ADCY2: variants seen among roughly 807,000 people sequenced by gnomAD.
ADCY2 encodes adenylate cyclase type 2.
ADCY2 carries 31 observed loss-of-function variants against 125.2 expected under a neutral mutation model. The ratio of observed to expected loss-of-function variants is 0.25; its 90% CI spans 0.19 to 0.33. The LOEUF is 0.33. Ranked by LOEUF, ADCY2 falls within the 10% of genes least tolerant of loss-of-function variation. ADCY2 has a pLI of 1.00. For synonymous variants in ADCY2, 512 were observed against 548.4 expected (o/e 0.93, Z 0.93); for missense variants, 904 against 1,418.2 (o/e 0.64, Z 5.82).
intron 3 of ADCY2, among the ~76,000 whole-genome samples, chr5:7,610,180 A>G (rs531494969): frequency 6.6e-5 from 10 of 152,204 alleles, no homozygotes; most frequent in South Asian, 2.1e-4. Flanking sequence ...TGTTATTTCG[A>G]TGGTGTTGAA....
chr5:7,534,062 T>C (rs1734738906), intron 3 of ADCY2, among the ~76,000 whole-genome samples: 1 of 152,262 alleles, frequency 6.6e-6, no homozygotes, highest in Admixed American at 6.5e-5. Context: ...CTGAGTCTCC[T>C]GAATCCAGCA....
chr5:7,599,173 G>A (rs1021764477), intron 3 of ADCY2, among the ~76,000 whole-genome samples: 22 of 152,130 alleles, frequency 1.4e-4, no homozygotes, highest in Non-Finnish European at 2.8e-4. Flanking sequence ...GGGATAGCCC[G>A]GGGCAGATGG....
intron 2 of ADCY2, among the ~76,000 whole-genome samples, chr5:7,436,628 C>G (rs1864072): frequency 0.81 from 123,933 of 152,248 alleles, 50,987 homozygotes; most frequent in African/African-American, 0.88. Context: ...TTTGATAAAT[C>G]ATCCCTGGAT....
intron 24 of ADCY2, among the ~76,000 whole-genome samples, chr5:7,821,139 A>G (rs1279066973): frequency 6.6e-6 from 1 of 152,180 alleles, no homozygotes; most frequent in African/African-American, 2.4e-5. Flanking sequence ...GATGAAACAG[A>G]AGGTTGATAT....
chr5:7,678,845 C>T (rs376982245), intron 4 of ADCY2, among the ~76,000 whole-genome samples: 2 of 152,184 alleles, frequency 1.3e-5, no homozygotes, highest in Admixed American at 1.3e-4. Flanking sequence ...CTCCTGGCTT[C>T]TGTCATTGAA....
intron 3 of ADCY2, among the ~76,000 whole-genome samples, chr5:7,601,888 C>A (rs149859298): frequency 6.6e-6 from 1 of 152,162 alleles, no homozygotes; most frequent in Non-Finnish European, 1.5e-5. Context: ...GTGACATTTG[C>A]TCTGTCATAG....
chr5:7,489,235 A>T (rs570059292), intron 2 of ADCY2, among the ~76,000 whole-genome samples: 2 of 152,146 alleles, frequency 1.3e-5, no homozygotes, highest in Non-Finnish European at 2.9e-5. Flanking sequence ...CAAGAAACAT[A>T]CAAGGACAAG....
chr5:7,400,005 C>T (rs1201462818), intron 1 of ADCY2, among the ~76,000 whole-genome samples: 2 of 151,824 alleles, frequency 1.3e-5, no homozygotes, highest in Non-Finnish European at 2.9e-5. Flanking sequence ...TGCATGAAAA[C>T]CCTTTTTCAG....
intron 3 of ADCY2, among the ~76,000 whole-genome samples, chr5:7,601,779 C>T (rs139929329): frequency 6.6e-6 from 1 of 152,326 alleles, no homozygotes; most frequent in Non-Finnish European, 1.5e-5. Flanking sequence ...TCCTGCATTT[C>T]CCTCCTGCTC....
At chr5:7,738,907 A>T (rs922143488) in intron 14 of ADCY2, among the ~76,000 whole-genome samples, 18 of 151,928 alleles carry the variant, frequency 1.2e-4, no homozygotes, top group African/African-American at 4.3e-4. Context: ...ACAGTAGACC[A>T]TAAAAGCATC....
At chr5:7,423,097 A>T (rs2126355431) in intron 2 of ADCY2, among the ~76,000 whole-genome samples, 1 of 152,362 alleles carries the variant, frequency 6.6e-6, no homozygotes, top group Non-Finnish European at 1.5e-5. Context: ...AAGAAAAATT[A>T]AACAGTAATT....
chr5:7,638,421 G>T lies in ADCY2; in HGVS notation c.720+12105G>T, dbSNP rs192584019. On this transcript the variant is annotated intron_variant, in intron 4 of 24. Coordinates refer to ENST00000338316, the MANE Select transcript of ADCY2 (RefSeq NM_020546.3). ...CCATCCCTTGGACAAGGTTTACTTA[G>T]TAGTGTGGACTCTGCCCTTCTAGTG... Among the ~76,000 whole-genome samples the T allele has an allele frequency of 1.1e-3, 173 of 152,286 alleles. 1 individual carries two copies. Among genetic ancestry groups the T allele is most frequent in the African/African-American group, 4.1e-3 (169 of 41,550 alleles).
intron 3 of ADCY2, among the ~76,000 whole-genome samples, chr5:7,544,013 C>CAAAAAA (rs57983443): frequency 1.4e-5 from 1 of 70,698 alleles, no homozygotes; most frequent in Non-Finnish European, 2.5e-5. Context: ...GACTCCGTCT[C>CAAAAAA]AAAAAAAAAA....
intron 3 of ADCY2, among the ~76,000 whole-genome samples, chr5:7,589,458 A>AGAAAGAAAGAAAGAAAGAAAGAAAG (rs1554022168): frequency 8.2e-5 from 6 of 73,010 alleles, no homozygotes; most frequent in African/African-American, 3.0e-4. Context: ...GAAGGAAAGA[A>AGAAAGAAAGAAAGAAAGAAAGAAAG]AAAGAAAGAA....
intron 3 of ADCY2, among the ~76,000 whole-genome samples, chr5:7,606,520 A>C (rs1737380375): frequency 6.6e-6 from 1 of 152,230 alleles, no homozygotes; most frequent in Non-Finnish European, 1.5e-5. Context: ...ATTTAAATCT[A>C]AATTTGGTCC....
At chr5:7,399,866 A>C (rs981209837) in intron 1 of ADCY2, among the ~76,000 whole-genome samples, 5 of 152,262 alleles carry the variant, frequency 3.3e-5, no homozygotes, top group Non-Finnish European at 5.9e-5. Flanking sequence ...CAGAAAACTT[A>C]GAGCTAATGA....
chr5:7,736,508 T>C (rs1185241604), intron 14 of ADCY2, among the ~76,000 whole-genome samples: 1 of 152,192 alleles, frequency 6.6e-6, no homozygotes, highest in Non-Finnish European at 1.5e-5. Context: ...CAGCTCTTAA[T>C]AGATTTTGAC....
At chr5:7,788,233 G>A (rs889454319) in intron 19 of ADCY2, among the ~76,000 whole-genome samples, 1 of 152,196 alleles carries the variant, frequency 6.6e-6, no homozygotes, top group African/African-American at 2.4e-5. Context: ...AGACTGGAGT[G>A]CAGTGGCTCA....
chr5:7,712,549 G>A (rs761903383), intron 10 of ADCY2, among the ~76,000 whole-genome samples: 2 of 152,100 alleles, frequency 1.3e-5, no homozygotes, highest in African/African-American at 4.8e-5. Flanking sequence ...GATATCAGTC[G>A]CCGGCAGGCC....
Sources: gnomAD v4.1 joint callset for allele counts (sites outside exome capture counted in the v4.1 genomes callset) on GRCh38, gnomAD v4.1.1 for gene constraint, MANE v1.5 for transcripts, NCBI Gene and HGNC (gene_info 2026-07-23, HGNC 2026-07-21) for gene names.